MUSK: variants seen among roughly 807,000 people sequenced by gnomAD.
MUSK encodes muscle associated receptor tyrosine kinase.
MUSK carries 55 observed loss-of-function variants against 88.7 expected under a neutral mutation model. That is an observed-to-expected ratio of 0.62 (90% CI 0.50 to 0.78). The LOEUF (loss-of-function observed/expected upper bound fraction) is 0.78, where lower values mean the gene tolerates loss of function less well. MUSK is among the 30% of genes least tolerant of loss of function. The probability of loss-of-function intolerance (pLI) is 0.00; values close to 1 mark genes in which losing one functional copy is unlikely to be tolerated. For synonymous variants in MUSK, 387 were observed against 391.9 expected (o/e 0.99, Z 0.15); for missense variants, 1,015 against 1,074.3 (o/e 0.94, Z 0.77).
chr9:110,736,083 G>A (rs1323963128), intron 6 of MUSK, among the ~76,000 whole-genome samples: 3 of 152,032 alleles, frequency 2.0e-5, no homozygotes, highest in African/African-American at 4.8e-5. Flanking sequence ...TCACGATATT[G>A]AACTACATAG....
At chr9:110,775,476 G>T in intron 9 of MUSK, 1 of 341,746 alleles carries the variant, frequency 2.9e-6, no homozygotes, top group Non-Finnish European at 5.5e-6. Flanking sequence ...GTTGTTATTT[G>T]AATATGAAGT....
At position 110,803,149 on chromosome 9, in the gene MUSK, T is replaced by C. The variant is rs1317818397; in HGVS notation, c.*2161T>C. Among the ~76,000 whole-genome samples the C allele has an allele frequency of 6.6e-6, 1 of 152,196 alleles. No individual in the cohort carries two copies. Among genetic ancestry groups the C allele is most frequent in the African/African-American group, 2.4e-5 (1 of 41,466 alleles). On this transcript the variant is annotated 3_prime_UTR_variant, in exon 15 of 15. Coordinates refer to ENST00000374448, the MANE Select transcript of MUSK (RefSeq NM_005592.4). ...TAAAAGACAGACATAGAAGTCAGGC[T>C]GACAGAAAATAGAGTAACAGTAATC...
intron 5 of MUSK, among the ~76,000 whole-genome samples, chr9:110,714,080 C>G (rs1394793895): frequency 6.6e-6 from 1 of 152,026 alleles, no homozygotes; most frequent in African/African-American, 2.4e-5. Context: ...TTTAGCATCT[C>G]CTCCCATCAA....
intron 8 of MUSK, among the ~76,000 whole-genome samples, chr9:110,764,051 A>G (rs189577565): frequency 6.6e-6 from 1 of 152,292 alleles, no homozygotes; most frequent in Admixed American, 6.5e-5. Flanking sequence ...TCTGAAAGAG[A>G]AGTCAACTGA....
Position 110,697,306 on chromosome 9 carries a change from A to G in MUSK, c.487-19A>G, listed in dbSNP as rs1454374591. On this transcript the variant is annotated intron_variant, in intron 4 of 14. Transcript: ENST00000374448. Reference sequence around the variant, plus strand: ...TAGACCCATAAACATTTTTGAATTCACGTCCCTATCTCTGGCAGGAAAATT... The same window carrying G: ...TAGACCCATAAACATTTTTGAATTCGCGTCCCTATCTCTGGCAGGAAAATT... The G allele has an allele frequency of 6.2e-7, 1 of 1,612,318 alleles. No homozygotes were observed. Among genetic ancestry groups the G allele is most frequent in the East Asian group, 2.2e-5 (1 of 44,838 alleles).
At chr9:110,694,122 C>T (rs370577901) in intron 3 of MUSK, among the ~76,000 whole-genome samples, 425 of 151,140 alleles carry the variant, frequency 2.8e-3, no homozygotes, top group African/African-American at 9.7e-3. Flanking sequence ...CCTGTAATCC[C>T]GGCACTTTGG....
intron 5 of MUSK, among the ~76,000 whole-genome samples, chr9:110,701,424 C>G (rs778917991): frequency 6.6e-6 from 1 of 152,106 alleles, no homozygotes; most frequent in Non-Finnish European, 1.5e-5. Flanking sequence ...ATCATGGAAT[C>G]TTTAGGTACC....
At chr9:110,745,501 G>A (rs2077164234) in intron 6 of MUSK, among the ~76,000 whole-genome samples, 1 of 152,142 alleles carries the variant, frequency 6.6e-6, no homozygotes, top group African/African-American at 2.4e-5. Context: ...CATAAAGTCT[G>A]TTGATTGAGC....
chr9:110,766,898 CAG>C (rs1369320705), intron 8 of MUSK, among the ~76,000 whole-genome samples: 1 of 152,244 alleles, frequency 6.6e-6, no homozygotes, highest in African/African-American at 2.4e-5. Context: ...ATATGTTTGT[CAG>C]GTGAGAATAT....
At chr9:110,725,628 C>T (rs1310398648) in intron 5 of MUSK, among the ~76,000 whole-genome samples, 1 of 151,986 alleles carries the variant, frequency 6.6e-6, no homozygotes, top group East Asian at 1.9e-4. Flanking sequence ...ACTAATGCAA[C>T]TGGCAAATAA....
chr9:110,755,941 T>TATATATAC (rs1554750784), intron 7 of MUSK, among the ~76,000 whole-genome samples: 846 of 76,412 alleles, frequency 0.011, 46 homozygotes, highest in East Asian at 0.09. Flanking sequence ...TACATATATA[T>TATATATAC]ATATATATAC....
rs928632424 is a variant in MUSK, at chr9:110,675,346, C to G, written c.79+6363C>G. Among the ~76,000 whole-genome samples, 4 of 150,386 alleles carry G rather than the reference C, an allele frequency of 2.7e-5. 1 individual carries two copies. The highest frequency in any genetic ancestry group is 9.8e-5 in the African/African-American group (4 of 40,758). On this transcript the variant is annotated intron_variant, in intron 1 of 14. Coordinates refer to ENST00000374448, the MANE Select transcript of MUSK (RefSeq NM_005592.4). The stretch of plus-strand genomic sequence containing the variant: ...ACGCCATTCTCCTGCCTCAGCCTCC[C>G]GAGTTGCTGGGACTACAGGCACCCG...
At chr9:110,760,565 T>C (rs1396918854) in intron 7 of MUSK, among the ~76,000 whole-genome samples, 1 of 151,020 alleles carries the variant, frequency 6.6e-6, no homozygotes, top group Non-Finnish European at 1.5e-5. Context: ...TACCTGAGGG[T>C]AGAGGGTTGG....
chr9:110,722,718 A>G (rs1383365560), intron 5 of MUSK, among the ~76,000 whole-genome samples: 2 of 152,102 alleles, frequency 1.3e-5, no homozygotes, highest in Non-Finnish European at 2.9e-5. Context: ...ATCCCATCAA[A>G]AAGTGGGCTA....
intron 12 of MUSK, 59 bp downstream of exon 12, chr9:110,785,075 G>A (rs2077831722): frequency 6.8e-7 from 1 of 1,480,632 alleles, no homozygotes. Context: ...TGTGTTTTAT[G>A]GAGTTGGTAT....
intron 5 of MUSK, among the ~76,000 whole-genome samples, chr9:110,716,614 GA>G (rs1208246765): frequency 6.7e-6 from 1 of 149,716 alleles, no homozygotes; most frequent in African/African-American, 2.5e-5. Context: ...CTTGATATTT[GA>G]AAAAAATGAC....
chr9:110,723,387 G>C (rs533238226), intron 5 of MUSK, among the ~76,000 whole-genome samples: 1 of 152,124 alleles, frequency 6.6e-6, no homozygotes, highest in East Asian at 1.9e-4. Flanking sequence ...ACCAAACATT[G>C]TATGTTTTCA....
intron 2 of MUSK, among the ~76,000 whole-genome samples, chr9:110,684,987 C>T (rs1332863302): frequency 6.6e-6 from 1 of 152,080 alleles, no homozygotes; most frequent in Non-Finnish European, 1.5e-5. Context: ...CTAGGTAGGA[C>T]TTCCAGGACT....
At chr9:110,691,294 A>T (rs893275331) in intron 3 of MUSK, among the ~76,000 whole-genome samples, 4 of 152,126 alleles carry the variant, frequency 2.6e-5, no homozygotes, top group Non-Finnish European at 5.9e-5. Context: ...GCCTTGTCAG[A>T]TGAGCAAAAC....
Sources: allele counts gnomAD v4.1 joint callset (sites outside exome capture counted in the v4.1 genomes callset), GRCh38; gene constraint gnomAD v4.1.1; transcripts MANE v1.5; gene names NCBI Gene and HGNC (gene_info 2026-07-23, HGNC 2026-07-21).